The following CADPS2 variants were observed in gnomAD, a reference collection of about 807,000 sequenced individuals.
CADPS2 encodes the protein calcium dependent secretion activator 2, also known as calcium-dependent secretion activator 2.
In CADPS2, 93 loss-of-function variants were observed where a neutral mutation model predicts 172.5. The observed-to-expected ratio is 0.54, with a 90% CI of 0.46 to 0.64. CADPS2 has a LOEUF of 0.64. Ranked by LOEUF, CADPS2 falls within the 30% of genes least tolerant of loss-of-function variation. The pLI, the probability that CADPS2 is intolerant of heterozygous loss-of-function variation, is 0.00. For synonymous variants in CADPS2, 546 were observed against 555.2 expected (o/e 0.98, Z 0.23); for missense variants, 1,420 against 1,565.9 (o/e 0.91, Z 1.57).
At chr7:122,570,262 G>A (rs2067051799) in intron 7 of CADPS2, among the ~76,000 whole-genome samples, 1 of 152,150 alleles carries the variant, frequency 6.6e-6, no homozygotes, top group Admixed American at 6.5e-5. Flanking sequence ...CATTTATGCA[G>A]CCAAAAGACA....
chr7:122,835,975 T>G (rs912034896), intron 1 of CADPS2, among the ~76,000 whole-genome samples: 4 of 151,980 alleles, frequency 2.6e-5, no homozygotes, highest in African/African-American at 9.7e-5. Context: ...GACACATAAT[T>G]GTCAGATTCA....
At chr7:122,812,469 T>C (rs1291426240) in intron 1 of CADPS2, among the ~76,000 whole-genome samples, 1 of 148,314 alleles carries the variant, frequency 6.7e-6, no homozygotes, top group Non-Finnish European at 1.5e-5. Context: ...AAAAAGAAAG[T>C]AGAGGCTCTG....
At chr7:122,551,640 A>G (rs969543131) in intron 8 of CADPS2, among the ~76,000 whole-genome samples, 4 of 152,100 alleles carry the variant, frequency 2.6e-5, no homozygotes, top group African/African-American at 9.6e-5. Flanking sequence ...AAAATCCATT[A>G]TCCTCCAATT....
At chr7:122,337,485 G>A (rs1433785547) in intron 28 of CADPS2, among the ~76,000 whole-genome samples, 1 of 152,164 alleles carries the variant, frequency 6.6e-6, no homozygotes. Context: ...CTTTCTGGTT[G>A]AGTTTCTTTT....
chr7:122,576,504 A>AGGGAAGTG (rs2068055869), intron 7 of CADPS2, among the ~76,000 whole-genome samples: 1 of 152,138 alleles, frequency 6.6e-6, no homozygotes, highest in Non-Finnish European at 1.5e-5. Context: ...TGTGTTCATT[A>AGGGAAGTG]GGGAAGTGTG....
intron 1 of CADPS2, among the ~76,000 whole-genome samples, chr7:122,802,462 G>A (rs578257937): frequency 3.3e-5 from 5 of 152,216 alleles, no homozygotes; most frequent in South Asian, 2.1e-4. Context: ...CCAAAAATCC[G>A]TTCTTGGACT....
intron 7 of CADPS2, 120 bp from the exon 8 acceptor site, chr7:122,554,809 A>G (rs1587222303): frequency 2.5e-6 from 2 of 813,396 alleles, no homozygotes; most frequent in Non-Finnish European, 3.6e-6. Context: ...AATGTATCCA[A>G]TAAACAATTT....
intron 1 of CADPS2, among the ~76,000 whole-genome samples, chr7:122,803,828 C>CTGT (rs1798169273): frequency 6.6e-6 from 1 of 152,048 alleles, no homozygotes; most frequent in South Asian, 2.1e-4. Flanking sequence ...CACTTAAGTC[C>CTGT]TGTTAAGTCC....
At chr7:122,537,823 G>A (rs966370340) in intron 8 of CADPS2, among the ~76,000 whole-genome samples, 3 of 150,906 alleles carry the variant, frequency 2.0e-5, no homozygotes, top group Non-Finnish European at 3.0e-5. Flanking sequence ...AGGAATAACA[G>A]AAATTAAACA....
intron 17 of CADPS2, chr7:122,424,349 A>G (rs1413495297): frequency 1.0e-6 from 1 of 984,636 alleles, no homozygotes; most frequent in Non-Finnish European, 1.2e-6. Flanking sequence ...TCGCATCTGT[A>G]AATTCATTGT....
chr7:122,377,278 C>T (rs1217176252), intron 25 of CADPS2, among the ~76,000 whole-genome samples: 1 of 152,112 alleles, frequency 6.6e-6, no homozygotes, highest in Non-Finnish European at 1.5e-5. Flanking sequence ...TTACTTAGCT[C>T]AAATACACTA....
At chr7:122,835,240 AAACT>A (rs1807990441) in intron 1 of CADPS2, among the ~76,000 whole-genome samples, 1 of 152,242 alleles carries the variant, frequency 6.6e-6, no homozygotes, top group South Asian at 2.1e-4. Flanking sequence ...GTTAGAAGGA[AAACT>A]AACAAACAGA....
chr7:122,623,882 C>T (rs2075831849), intron 4 of CADPS2, among the ~76,000 whole-genome samples: 1 of 152,164 alleles, frequency 6.6e-6, no homozygotes, highest in African/African-American at 2.4e-5. Flanking sequence ...AAATTTTCAA[C>T]ATGTTATGGA....
intron 1 of CADPS2, among the ~76,000 whole-genome samples, chr7:122,774,312 T>A (rs934860914): frequency 2.6e-4 from 35 of 136,460 alleles, no homozygotes; most frequent in East Asian, 2.1e-4. Context: ...ACACACACAC[T>A]CTGGAAACAA....
chr7:122,577,896 T>G (rs2068252635), intron 7 of CADPS2, among the ~76,000 whole-genome samples: 1 of 152,042 alleles, frequency 6.6e-6, no homozygotes, highest in Admixed American at 6.6e-5. Context: ...TTAAGTGCTC[T>G]GTTGTTCATT....
intron 1 of CADPS2, among the ~76,000 whole-genome samples, chr7:122,740,680 G>T (rs1001432467): frequency 4.6e-5 from 7 of 151,810 alleles, no homozygotes; most frequent in Non-Finnish European, 7.4e-5. Flanking sequence ...CAATTTATTT[G>T]CATTAAAAAT....
chr7:122,656,298 A>G (rs947484769), intron 3 of CADPS2, among the ~76,000 whole-genome samples: 2 of 152,110 alleles, frequency 1.3e-5, no homozygotes, highest in Admixed American at 1.3e-4. Context: ...CCATTGTTCA[A>G]TCTCCCAGAT....
Position 122,702,724 on chromosome 7 carries a change from C to T in CADPS2, c.453+34231G>A, listed in dbSNP as rs147362816. 911 of 1,608,442 alleles carry T rather than the reference C, an allele frequency of 5.7e-4. 2 individuals are homozygous for T. The African/African-American group carries it at 0.011, about 19-fold the overall frequency. On this transcript the variant is annotated intron_variant, in intron 2 of 29. Transcript: ENST00000449022. ...GTCCAGATGAAACAGAACTATGCGT[C>T]GAAGGGGTAATTCTAAGGAAGCTCA...
intron 14 of CADPS2, among the ~76,000 whole-genome samples, chr7:122,453,256 G>A (rs763674093): frequency 1.3e-5 from 2 of 152,100 alleles, no homozygotes; most frequent in Non-Finnish European, 2.9e-5. Flanking sequence ...TTTTAGGAAG[G>A]AGGAAAAGTC....
Sources: gnomAD v4.1 joint callset for allele counts (sites outside exome capture counted in the v4.1 genomes callset) on GRCh38, gnomAD v4.1.1 for gene constraint, MANE v1.5 for transcripts, NCBI Gene and HGNC (gene_info 2026-07-23, HGNC 2026-07-21) for gene names.